Variants in MAX observed in about 807,000 individuals in gnomAD.
The protein encoded by MAX is protein max.
In MAX, 3 loss-of-function variants were observed where a neutral mutation model predicts 22.3. That is an observed-to-expected ratio of 0.13 (90% CI 0.06 to 0.35). The LOEUF (loss-of-function observed/expected upper bound fraction) is 0.35. Among genes scored for constraint, MAX ranks in the 10% least tolerant of loss-of-function variants. MAX has a pLI of 1.00. For synonymous variants in MAX, 72 were observed against 77.7 expected, an observed-to-expected ratio of 0.93 and a Z score of 0.39; for missense variants, 119 against 209.4, an observed-to-expected ratio of 0.57 and a Z score of 2.66.
intron 3 of MAX, among the ~76,000 whole-genome samples, chr14:65,019,572 A>T (rs569883688): frequency 9.8e-5 from 15 of 152,344 alleles, no homozygotes; most frequent in African/African-American, 2.6e-4. Context: ...TTTTGTAATT[A>T]AAAAAGGAAT....
intron 3 of MAX, among the ~76,000 whole-genome samples, chr14:65,092,466 A>G (rs546056015): frequency 2.0e-5 from 3 of 152,338 alleles, no homozygotes; most frequent in Admixed American, 6.5e-5. Flanking sequence ...TACTTTGACT[A>G]AAGGGGTGAG....
chr14:65,040,472 ACT>A (rs1332150528), intron 3 of MAX, among the ~76,000 whole-genome samples: 1 of 151,522 alleles, frequency 6.6e-6, no homozygotes, highest in Non-Finnish European at 1.5e-5. Flanking sequence ...ACCTAGTCTC[ACT>A]CTTTCACCCG....
rs957240053 is a variant in MAX at position 65,012,213 on chromosome 14, G to A, written c.172-5929C>T. 1.3e-5 allele frequency: 19 copies of A among 1,421,184 alleles called. No homozygotes were observed. The highest frequency in any genetic ancestry group is 1.1e-4 in the African/African-American group (8 of 70,508). The allele number at this position is 1,421,184 out of a possible 1,614,324, so 88.0% of individuals were successfully genotyped here. ...ATCCAGTCAGTGATTGCAGGGGGAC[G>A]TCCTGAAGCTGAGTGTTTACCCGTG... On this transcript the variant is annotated intron_variant, in intron 3 of 3. Coordinates refer to the MAX transcript ENST00000341653. This position sits in a 1 kb window ranked among gnomAD's most constrained non-coding sequence, Gnocchi z 5.0.
rs185687465 is a variant in MAX at position 65,031,687 on chromosome 14, A to G, written c.172-25403T>C. 2.3e-3 allele frequency among the ~76,000 whole-genome samples: 351 copies of G among 152,172 alleles called. 3 individuals are homozygous for G. The highest frequency in any genetic ancestry group is 7.6e-3 in the African/African-American group (317 of 41,572). On this transcript the variant is annotated intron_variant, in intron 3 of 3. Coordinates refer to the MAX transcript ENST00000341653. This position sits in a 1 kb window ranked among gnomAD's most constrained non-coding sequence, Gnocchi z 4.6. ...TGTAATCCCAGCACTTTGGGAGGCC[A>G]AGGCAGGTGGATTGCTTGAGGTCAG...
intron 3 of MAX, among the ~76,000 whole-genome samples, chr14:65,043,972 G>GTTTA (rs1171474313): frequency 6.6e-5 from 10 of 151,288 alleles, no homozygotes; most frequent in Admixed American, 5.9e-4. Context: ...CTTAAGCCAT[G>GTTTA]TTTATTAAGA....
chr14:65,048,078 T>C (rs1418717171), intron 3 of MAX, among the ~76,000 whole-genome samples: 1 of 148,292 alleles, frequency 6.7e-6, no homozygotes, highest in African/African-American at 2.5e-5. Context: ...GCCTCCTCGG[T>C]TCAATTGATT....
Position 65,084,354 on chromosome 14 carries a change from C to T in MAX, c.172-6318G>A. On this transcript the variant is annotated intron_variant, in intron 3 of 4. Transcript: ENST00000358664. The surrounding 1 kb of genome is among the most constrained non-coding windows in gnomAD (Gnocchi z 4.3). ...AATTTCACAAGTAATAAATAGAATA[C>T]AAAATTACTAACTTTTGTTTACTGA... The T allele has an allele frequency of 2.7e-6, 3 of 1,094,082 alleles. No homozygotes were observed. The highest frequency in any genetic ancestry group is 2.5e-5 in the South Asian group (2 of 79,046). 67.8% of individuals were successfully genotyped at this position (1,094,082 alleles called of 1,614,324 possible).
rs1302686771 is a variant in MAX at position 65,032,019 on chromosome 14, T to TAC, written c.172-25737_172-25736dup. Among the ~76,000 whole-genome samples, 1 of 148,666 alleles carries TAC rather than the reference T, an allele frequency of 6.7e-6. No individual in the cohort carries two copies. The highest frequency in any genetic ancestry group is 1.5e-5 in the Non-Finnish European group (1 of 67,324). The stretch of plus-strand genomic sequence containing the variant: ...GTGTGTGTGTGTGTGTGTGTGTGTG[T>TAC]ACTGGTGAGAGGTTTGAAATCAAGG... On this transcript the variant is annotated intron_variant, in intron 3 of 3. Transcript: ENST00000341653. This position sits in a 1 kb window ranked among gnomAD's most constrained non-coding sequence, Gnocchi z 5.0.
In MAX at chr14:65,077,522, G is replaced by T. The variant is rs1262502584; in HGVS notation, c.295+391C>A. 1.0e-6 allele frequency: 1 copy of T among 965,704 alleles called. No individual in the cohort carries two copies. Among genetic ancestry groups the T allele is most frequent in the South Asian group, 1.3e-5 (1 of 77,954 alleles). The allele number at this position is 965,704 out of a possible 1,614,324, so 59.8% of individuals were successfully genotyped here. On this transcript the variant is annotated intron_variant, in intron 4 of 4. Transcript: ENST00000358664. This position sits in a 1 kb window ranked among gnomAD's most constrained non-coding sequence, Gnocchi z 6.3. The stretch of plus-strand genomic sequence containing the variant: ...ATTGGACTACCATTGACAATGGGGA[G>T]GGCTCACTGTCCCTGAACACCTGGA...
intron 3 of MAX, among the ~76,000 whole-genome samples, chr14:65,035,130 G>T (rs967793470): frequency 6.6e-6 from 1 of 152,164 alleles, no homozygotes; most frequent in African/African-American, 2.4e-5. Flanking sequence ...TCAGTTTCTG[G>T]CAGCCTGCAT....
At chr14:65,006,117 C>T, downstream of MAX, 9 of 1,587,986 alleles carry the variant, frequency 5.7e-6, no homozygotes, top group South Asian at 1.0e-4. Context: ...CTTACTGGAA[C>T]ATTATAAATA....
intron 3 of MAX, among the ~76,000 whole-genome samples, chr14:65,085,554 G>A (rs2063308532): frequency 2.0e-5 from 3 of 152,172 alleles, no homozygotes; most frequent in Non-Finnish European, 4.4e-5. Context: ...GGAATAATTA[G>A]ATTTCTGCCC....
rs2061688256 is a variant in MAX at position 65,011,843 on chromosome 14, G to T, written c.172-5559C>A. Reference sequence around the variant, plus strand: ...TAATAGTTGGATAACCGAGAGGCAGGCAGGGAGTAAATTATGGGCCTTGGA... The same window carrying T: ...TAATAGTTGGATAACCGAGAGGCAGTCAGGGAGTAAATTATGGGCCTTGGA... On this transcript the variant is annotated intron_variant, in intron 3 of 3. Transcript: ENST00000341653. This position sits in a 1 kb window ranked among gnomAD's most constrained non-coding sequence, Gnocchi z 4.0. Among the ~76,000 whole-genome samples the T allele has an allele frequency of 6.6e-6, 1 of 152,226 alleles. No homozygotes were observed. Among genetic ancestry groups the T allele is most frequent in the Admixed American group, 6.5e-5 (1 of 15,280 alleles).
At chr14:65,090,918 T>C (rs2063489267) in intron 3 of MAX, among the ~76,000 whole-genome samples, 1 of 152,190 alleles carries the variant, frequency 6.6e-6, no homozygotes, top group African/African-American at 2.4e-5. Flanking sequence ...CCCCTATTAT[T>C]GGTTAGGATC....
chr14:65,098,331 G>T (rs1383319218), intron 2 of MAX, among the ~76,000 whole-genome samples: 1 of 152,142 alleles, frequency 6.6e-6, no homozygotes, highest in Admixed American at 6.5e-5. Context: ...AGGCTACCAA[G>T]CTCGTTCTCT....
chr14:65,035,121 C>T (rs2062159629), intron 3 of MAX, among the ~76,000 whole-genome samples: 1 of 152,192 alleles, frequency 6.6e-6, no homozygotes, highest in Non-Finnish European at 1.5e-5. Context: ...GATTCGTCCT[C>T]AGTTTCTGGC....
downstream of MAX, among the ~76,000 whole-genome samples, chr14:65,074,733 A>C (rs1026033385): frequency 6.6e-6 from 1 of 152,214 alleles, no homozygotes; most frequent in East Asian, 1.9e-4. Context: ...AACTGGAACT[A>C]TCTAGAAACT....
chr14:65,053,157 C>T, intron 3 of MAX: 2 of 1,121,508 alleles, frequency 1.8e-6, no homozygotes, highest in East Asian at 6.3e-5. Context: ...TTGACTATTC[C>T]CCCAGGTGAG....
intron 2 of MAX, 136 bp downstream of exon 2, chr14:65,101,410 C>T (rs527602738): frequency 5.8e-5 from 46 of 787,402 alleles, no homozygotes; most frequent in Non-Finnish European, 8.6e-5. Flanking sequence ...AGAACCAGGC[C>T]CCACCTCACC....
Sources: allele counts gnomAD v4.1 joint callset (sites outside exome capture counted in the v4.1 genomes callset), GRCh38; gene constraint gnomAD v4.1.1; non-coding constraint Gnocchi (gnomAD v3.1); transcripts MANE v1.5; gene names NCBI Gene and HGNC (gene_info 2026-07-23, HGNC 2026-07-21).